Variants in SDC2 observed in about 807,000 individuals in gnomAD.
SDC2 encodes syndecan 2, also known as syndecan-2.
A neutral mutation model predicts 22.2 loss-of-function variants in SDC2; 13 were observed. That is an observed-to-expected ratio of 0.59 (90% confidence interval 0.38 to 0.93). SDC2 has a LOEUF of 0.93. Ranked by LOEUF, SDC2 falls within the 40% of genes least tolerant of loss-of-function variation. The pLI, the probability that SDC2 is intolerant of heterozygous loss-of-function variation, is 0.00. For synonymous variants in SDC2, 94 were observed against 92.8 expected, an observed-to-expected ratio of 1.01 and a Z score of -0.07; for missense variants, 235 against 246.8, an observed-to-expected ratio of 0.95 and a Z score of 0.32.
intron 1 of SDC2, among the ~76,000 whole-genome samples, chr8:96,523,426 C>T (rs967297270): frequency 6.6e-6 from 1 of 152,102 alleles, no homozygotes; most frequent in African/African-American, 2.4e-5. Flanking sequence ...ATTAAGGTTG[C>T]CCCTAATGGA....
In SDC2 at chr8:96,555,435, G is replaced by T. The variant is rs914371566; in HGVS notation, c.61-38045G>T. Among the ~76,000 whole-genome samples, 3 of 152,042 alleles carry T rather than the reference G, an allele frequency of 2.0e-5. No homozygotes were observed. In the East Asian group the frequency reaches 5.8e-4, roughly 29 times the overall value. On this transcript the variant is annotated intron_variant, in intron 1 of 4. Coordinates refer to ENST00000302190, the MANE Select transcript of SDC2 (RefSeq NM_002998.4). Reference sequence around the variant, plus strand: ...TTGAGTGAGAGGCAGAATGTGAAGCGCTGTATCTCTGTTGTCTTCTCTGTT... The same window carrying T: ...TTGAGTGAGAGGCAGAATGTGAAGCTCTGTATCTCTGTTGTCTTCTCTGTT...
chr8:96,501,399 C>A (rs1052012862), intron 1 of SDC2, among the ~76,000 whole-genome samples: 3 of 149,268 alleles, frequency 2.0e-5, no homozygotes, highest in Non-Finnish European at 3.0e-5. Flanking sequence ...CTCCTCCCCC[C>A]GTTCAAGTGA....
intron 1 of SDC2, among the ~76,000 whole-genome samples, chr8:96,526,795 C>T (rs994543945): frequency 6.6e-6 from 1 of 152,034 alleles, no homozygotes; most frequent in Non-Finnish European, 1.5e-5. Context: ...GTGGCCAGGG[C>T]TCCTGATTTT....
intron 1 of SDC2, among the ~76,000 whole-genome samples, chr8:96,533,527 C>G (rs1275592711): frequency 1.3e-5 from 2 of 151,738 alleles, no homozygotes; most frequent in Admixed American, 6.6e-5. Flanking sequence ...AATCTCTTAG[C>G]TAGACGTAAA....
At position 96,603,264 on chromosome 8, in the gene SDC2, C is replaced by T. The variant is rs530018799; in HGVS notation, c.306+736C>T. Among the ~76,000 whole-genome samples the T allele has an allele frequency of 3.3e-5, 5 of 152,320 alleles. No homozygotes were observed. In the East Asian group the frequency reaches 7.7e-4, roughly 23 times the overall value. On this transcript the variant is annotated intron_variant, in intron 3 of 4. Transcript: ENST00000302190. ...CCAGTCAGGTTTCTTAGCTTCTGAA[C>T]CCATTTCCTATGGGCCTTGAAGAAG...
intron 3 of SDC2, among the ~76,000 whole-genome samples, chr8:96,604,040 C>G (rs138563429): frequency 3.3e-5 from 5 of 152,336 alleles, no homozygotes; most frequent in Non-Finnish European, 7.3e-5. Context: ...CTACTATTTA[C>G]TAAAGATGCA....
intron 1 of SDC2, among the ~76,000 whole-genome samples, chr8:96,498,815 C>G (rs750292569): frequency 2.0e-5 from 3 of 152,180 alleles, no homozygotes; most frequent in Admixed American, 6.5e-5. Context: ...CAGCACTAAT[C>G]TTGATGGGAC....
chr8:96,548,214 T>G (rs1248444701), intron 1 of SDC2, among the ~76,000 whole-genome samples: 1 of 152,222 alleles, frequency 6.6e-6, no homozygotes, highest in Non-Finnish European at 1.5e-5. Context: ...GTAGCTGATT[T>G]TTGTAAAATG....
intron 1 of SDC2, among the ~76,000 whole-genome samples, chr8:96,593,229 A>T (rs1011422176): frequency 1.1e-4 from 16 of 152,156 alleles, no homozygotes; most frequent in African/African-American, 3.9e-4. Context: ...AGGAGTTTAG[A>T]TCTCCGAAAT....
At chr8:96,580,593 TC>T (rs1390549100) in intron 1 of SDC2, 2 of 894,334 alleles carry the variant, frequency 2.2e-6, no homozygotes, top group Non-Finnish European at 2.7e-6. Flanking sequence ...AGCAGTTAAA[TC>T]TATTAAATAT....
chr8:96,579,115 T>C (rs1814551229), intron 1 of SDC2, among the ~76,000 whole-genome samples: 1 of 152,264 alleles, frequency 6.6e-6, no homozygotes, highest in South Asian at 2.1e-4. Context: ...TCTAATTTCA[T>C]TCACGTGGTA....
chr8:96,582,213 G>C (rs188521109), intron 1 of SDC2, among the ~76,000 whole-genome samples: 93 of 151,566 alleles, frequency 6.1e-4, no homozygotes, highest in African/African-American at 2.2e-3. Flanking sequence ...TATTTTACTT[G>C]GTTAAAAATT....
At chr8:96,544,536 C>G (rs1813902424) in intron 1 of SDC2, among the ~76,000 whole-genome samples, 4 of 152,244 alleles carry the variant, frequency 2.6e-5, no homozygotes, top group Middle Eastern at 6.8e-3. Flanking sequence ...CTCTTGAGTT[C>G]CTGTAGTGCC....
chr8:96,592,571 T>A (rs1286294234), intron 1 of SDC2, among the ~76,000 whole-genome samples: 1 of 152,198 alleles, frequency 6.6e-6, no homozygotes. Context: ...AACCATTTTT[T>A]AAAGTCTTAT....
At chr8:96,516,430 G>A (rs1813402547) in intron 1 of SDC2, among the ~76,000 whole-genome samples, 1 of 151,896 alleles carries the variant, frequency 6.6e-6, no homozygotes, top group Non-Finnish European at 1.5e-5. Flanking sequence ...CTTTGTTGAA[G>A]TATAATGTAC....
Position 96,589,859 on chromosome 8 carries a change from C to CTG in SDC2, c.61-3620_61-3619insGT, listed in dbSNP as rs576661709. 2.9e-4 allele frequency among the ~76,000 whole-genome samples: 44 copies of CTG among 152,302 alleles called. No individual in the cohort carries two copies. In the South Asian group the frequency reaches 5.6e-3, roughly 19 times the overall value. On this transcript the variant is annotated intron_variant, in intron 1 of 4. Transcript: ENST00000302190. ...GTGGGCAGTGACAAGGTCAGGAGGC[C>CTG]TTAGTCCAGGTCCAGGCCCAACATG...
At chr8:96,526,034 G>A (rs1240135827) in intron 1 of SDC2, among the ~76,000 whole-genome samples, 1 of 152,040 alleles carries the variant, frequency 6.6e-6, no homozygotes, top group Non-Finnish European at 1.5e-5. Flanking sequence ...CTAAGCATAC[G>A]GCTTCAAGTT....
intron 1 of SDC2, among the ~76,000 whole-genome samples, chr8:96,533,166 C>G (rs1288389319): frequency 6.6e-6 from 1 of 152,070 alleles, no homozygotes; most frequent in Non-Finnish European, 1.5e-5. Context: ...GGTGTGGACC[C>G]AAAGAGTGAG....
chr8:96,590,052 C>T (rs1269667269), intron 1 of SDC2, among the ~76,000 whole-genome samples: 1 of 152,240 alleles, frequency 6.6e-6, no homozygotes, highest in Non-Finnish European at 1.5e-5. Context: ...GTTTCCCTGG[C>T]TGAATGTGGC....
Sources: gnomAD v4.1 joint callset for allele counts (sites outside exome capture counted in the v4.1 genomes callset) on GRCh38, gnomAD v4.1.1 for gene constraint, MANE v1.5 for transcripts, NCBI Gene and HGNC (gene_info 2026-07-23, HGNC 2026-07-21) for gene names.